LRP1B: variants seen among roughly 807,000 people sequenced by gnomAD.
The protein encoded by LRP1B is LDL receptor related protein 1B, also known as low-density lipoprotein receptor-related protein 1B.
In LRP1B, 217 loss-of-function variants were observed where a neutral mutation model predicts 556.6. The observed-to-expected ratio is 0.39, with a 90% CI of 0.35 to 0.44. The LOEUF is 0.44. Ranked by LOEUF, LRP1B falls within the 20% of genes least tolerant of loss-of-function variation. The probability of loss-of-function intolerance (pLI) is 1.00; values close to 1 mark genes in which losing one functional copy is unlikely to be tolerated. For synonymous variants in LRP1B, 2,047 were observed against 1,865.8 expected (o/e 1.10, Z -2.50); for missense variants, 5,053 against 5,620.8 (o/e 0.90, Z 3.23).
intron 35 of LRP1B, among the ~76,000 whole-genome samples, chr2:140,761,128 C>CT (rs1305308759): frequency 6.6e-6 from 1 of 152,152 alleles, no homozygotes; most frequent in Non-Finnish European, 1.5e-5. Context: ...TAAAGGACTT[C>CT]TCCAGTCAGC....
chr2:140,325,210 A>T (rs1273605784), intron 80 of LRP1B, among the ~76,000 whole-genome samples: 2 of 152,058 alleles, frequency 1.3e-5, no homozygotes, highest in Non-Finnish European at 2.9e-5. Flanking sequence ...AATATGAGAC[A>T]GTAAAAAATA....
At chr2:141,004,929 C>A (rs1697524857) in intron 15 of LRP1B, among the ~76,000 whole-genome samples, 1 of 151,996 alleles carries the variant, frequency 6.6e-6, no homozygotes. Flanking sequence ...TTTTCCCTCC[C>A]TCCTTGCTCT....
intron 83 of LRP1B, among the ~76,000 whole-genome samples, chr2:140,311,958 A>C (rs1684323770): frequency 6.6e-6 from 1 of 151,868 alleles, no homozygotes; most frequent in Non-Finnish European, 1.5e-5. Flanking sequence ...GAAGTTATCC[A>C]AAAATTCTGG....
At chr2:140,583,171 C>CTTTTTTTTTTTT (rs1219194754) in intron 43 of LRP1B, among the ~76,000 whole-genome samples, 13 of 48,008 alleles carry the variant, frequency 2.7e-4, no homozygotes, top group East Asian at 1.0e-3. Context: ...CCTTTTTTTT[C>CTTTTTTTTTTTT]TTTTTTTTTT....
intron 2 of LRP1B, among the ~76,000 whole-genome samples, chr2:141,788,035 T>C (rs556984770): frequency 2.3e-4 from 35 of 152,076 alleles, no homozygotes; most frequent in African/African-American, 8.4e-4. Context: ...ATTTGGTTAG[T>C]TTTTCATAAC....
intron 35 of LRP1B, among the ~76,000 whole-genome samples, chr2:140,767,476 C>T (rs1402316203): frequency 6.6e-6 from 1 of 151,774 alleles, no homozygotes; most frequent in African/African-American, 2.4e-5. Context: ...TAAACATATC[C>T]TCCATCATGG....
chr2:140,993,077 AT>A (rs1292635994), intron 16 of LRP1B, among the ~76,000 whole-genome samples: 2 of 152,076 alleles, frequency 1.3e-5, no homozygotes, highest in African/African-American at 4.8e-5. Context: ...AACTTTGCCC[AT>A]TCTTAAAAAA....
At position 140,397,660 on chromosome 2, in the gene LRP1B, C is replaced by A. The variant is rs1684311587; in HGVS notation, c.10415-11651G>T. Reference sequence around the variant, plus strand: ...GGTTATTAAAAATCCTGACAAGTGTCATTTCTATGGCTGTATAATATTTCT... The same window carrying A: ...GGTTATTAAAAATCCTGACAAGTGTAATTTCTATGGCTGTATAATATTTCT... On this transcript the variant is annotated intron_variant, in intron 66 of 90. Coordinates refer to ENST00000389484, the MANE Select transcript of LRP1B (RefSeq NM_018557.3). 2.6e-5 allele frequency among the ~76,000 whole-genome samples: 4 copies of A among 152,064 alleles called. No homozygotes were observed. The South Asian group carries it at 8.3e-4, about 31-fold the overall frequency.
At chr2:141,974,334 G>A (rs1701823683) in intron 1 of LRP1B, among the ~76,000 whole-genome samples, 3 of 152,092 alleles carry the variant, frequency 2.0e-5, no homozygotes, top group Middle Eastern at 6.8e-3. Flanking sequence ...AGGAAAGAAC[G>A]GTTAACTCCT....
chr2:141,546,248 G>A (rs962805904), intron 2 of LRP1B, among the ~76,000 whole-genome samples: 1 of 152,026 alleles, frequency 6.6e-6, no homozygotes, highest in African/African-American at 2.4e-5. Context: ...CCTCACCTTG[G>A]CAACCCTCTG....
rs2105186656 is a variant in LRP1B, at chr2:140,883,831, C to T, written c.4155G>A (p.Leu1385=). 6.2e-7 allele frequency: 1 copy of T among 1,613,662 alleles called. No individual in the cohort carries two copies. Among genetic ancestry groups the T allele is most frequent in the Non-Finnish European group, 8.5e-7 (1 of 1,179,794 alleles). ...AACTTCTTTACCCATATCTTGGGTCCAAAGCAATGGCCCTGGGGTGTTCCA... is the reference window on the plus strand; with the variant it reads ...AACTTCTTTACCCATATCTTGGGTCTAAAGCAATGGCCCTGGGGTGTTCCA... The part of the protein sequence containing the change: ...GAMEHPRAIA[L]DPRYGILFWT... Residue 1385 remains leucine, a synonymous_variant, in exon 25 of 91, where the codon TTG becomes TTA. Transcript: ENST00000389484.
intron 2 of LRP1B, among the ~76,000 whole-genome samples, chr2:141,728,903 T>G (rs563853295): frequency 6.6e-6 from 1 of 152,300 alleles, no homozygotes; most frequent in Admixed American, 6.5e-5. Context: ...AAATCAGTTC[T>G]CTTCCTGTCT....
intron 21 of LRP1B, among the ~76,000 whole-genome samples, chr2:140,919,013 A>G (rs1694661943): frequency 6.6e-6 from 1 of 151,932 alleles, no homozygotes; most frequent in Non-Finnish European, 1.5e-5. Flanking sequence ...TTTTGGGAGT[A>G]ATATTTTTTC....
At chr2:140,355,274 G>T (rs1682156845) in intron 75 of LRP1B, among the ~76,000 whole-genome samples, 3 of 151,448 alleles carry the variant, frequency 2.0e-5, no homozygotes, top group South Asian at 2.1e-4. Flanking sequence ...TGAAAGAATT[G>T]TGTGTGTGTG....
chr2:142,021,933 C>G (rs1262999797), intron 1 of LRP1B, among the ~76,000 whole-genome samples: 3 of 151,966 alleles, frequency 2.0e-5, no homozygotes, highest in Non-Finnish European at 4.4e-5. Flanking sequence ...AGCTCTGGTG[C>G]CAAAAGATTA....
At chr2:141,593,192 C>T (rs573365373) in intron 2 of LRP1B, among the ~76,000 whole-genome samples, 1 of 152,148 alleles carries the variant, frequency 6.6e-6, no homozygotes, top group East Asian at 1.9e-4. Flanking sequence ...AGGCATGAAA[C>T]CTTTAAGGGC....
chr2:140,587,904 G>A (rs1682051640), intron 43 of LRP1B, among the ~76,000 whole-genome samples: 1 of 147,260 alleles, frequency 6.8e-6, no homozygotes, highest in Admixed American at 6.7e-5. Flanking sequence ...TATCTCATCA[G>A]AAATCACAGA....
At chr2:140,594,102 C>CG (rs1190828960) in intron 43 of LRP1B, among the ~76,000 whole-genome samples, 1 of 151,858 alleles carries the variant, frequency 6.6e-6, no homozygotes, top group African/African-American at 2.4e-5. Context: ...CTCAGCCTCC[C>CG]GAGTAGCTGG....
chr2:141,819,601 G>A (rs1696688724), intron 1 of LRP1B, among the ~76,000 whole-genome samples: 1 of 152,186 alleles, frequency 6.6e-6, no homozygotes, highest in African/African-American at 2.4e-5. Context: ...GGAAAGGATA[G>A]TGGGACAGGA....
Sources: allele counts gnomAD v4.1 joint callset (sites outside exome capture counted in the v4.1 genomes callset), GRCh38; gene constraint gnomAD v4.1.1; transcripts MANE v1.5; gene names NCBI Gene and HGNC (gene_info 2026-07-23, HGNC 2026-07-21).